Variants in AFF3 observed in about 807,000 individuals in gnomAD.
The protein encoded by AFF3 is AF4/FMR2 family member 3.
AFF3 carries 32 observed loss-of-function variants against 129.7 expected under a neutral mutation model. The observed-to-expected ratio is 0.25, with a 90% CI of 0.19 to 0.33. The LOEUF is 0.33. AFF3 is among the 10% of genes least tolerant of loss of function. The pLI is 1.00. For synonymous variants in AFF3, 644 were observed against 635.4 expected, an observed-to-expected ratio of 1.01 and a Z score of -0.20; for missense variants, 1,373 against 1,592.0, an observed-to-expected ratio of 0.86 and a Z score of 2.34.
chr2:99,908,607 T>C (rs950757661), intron 7 of AFF3, among the ~76,000 whole-genome samples: 1 of 151,886 alleles, frequency 6.6e-6, no homozygotes, highest in Non-Finnish European at 1.5e-5. Flanking sequence ...GAACCTAAAA[T>C]GAACTCAAAC....
At chr2:99,560,047 G>C (rs1015271894) in intron 21 of AFF3, among the ~76,000 whole-genome samples, 16 of 152,326 alleles carry the variant, frequency 1.1e-4, no homozygotes, top group African/African-American at 2.9e-4. Context: ...GATCACTTGA[G>C]GTCAGGAGTT....
chr2:99,707,699 CTT>C (rs538833830), intron 11 of AFF3: 778 of 782,160 alleles, frequency 9.9e-4, no homozygotes, highest in Middle Eastern at 1.3e-3. Context: ...GGATGCCTGC[CTT>C]TTTTTTTTTT....
chr2:99,593,565 G>T lies in AFF3; in HGVS notation c.2096C>A (p.Ser699Tyr). 1 of 1,613,322 alleles carries T rather than the reference G, an allele frequency of 6.2e-7. No homozygotes were observed. Among genetic ancestry groups the T allele is most frequent in the Non-Finnish European group, 8.5e-7 (1 of 1,179,964 alleles). ...CCTCTGATCATTCCCGGAGGAGGCA[G>T]AGGCAGCCACGGTCTGTGCTTTGGA... is the stretch of plus-strand genomic sequence containing the variant. The part of the protein sequence containing the change: ...PLSKAQTVAA[S>Y]ASSGNDQRLK... Residue 699 changes from serine (S) to tyrosine (Y), a missense_variant, in exon 15 of 25, where the codon TCT (serine) becomes TAT (tyrosine). Ser to Tyr is a moderately radical substitution (Grantham distance 144, BLOSUM62 -2). This residue lies in a region of AFF3 where 466 missense variants were observed against 505.0 expected (regional missense o/e 0.92). Transcript: ENST00000672756.
At chr2:100,034,437 A>T (rs146603577) in intron 4 of AFF3, among the ~76,000 whole-genome samples, 19 of 152,300 alleles carry the variant, frequency 1.2e-4, no homozygotes, top group African/African-American at 3.6e-4. Flanking sequence ...TCAGTTTTCA[A>T]ATACACCAAT....
intron 7 of AFF3, among the ~76,000 whole-genome samples, chr2:99,844,507 G>A (rs564774232): frequency 6.3e-5 from 8 of 127,222 alleles, no homozygotes; most frequent in Non-Finnish European, 7.7e-5. Context: ...GCGCCATCTC[G>A]GCTCACTGCA....
At chr2:99,607,134 C>T (rs1421948240) in intron 13 of AFF3, among the ~76,000 whole-genome samples, 2 of 152,042 alleles carry the variant, frequency 1.3e-5, no homozygotes, top group Non-Finnish European at 2.9e-5. Flanking sequence ...GAGAGGGGTC[C>T]AGCTTTCTCT....
chr2:99,909,117 G>A (rs1237346794), intron 7 of AFF3, among the ~76,000 whole-genome samples: 3 of 152,078 alleles, frequency 2.0e-5, no homozygotes, highest in Non-Finnish European at 4.4e-5. Flanking sequence ...ACTGGATTAA[G>A]AAAATGTGGC....
intron 13 of AFF3, among the ~76,000 whole-genome samples, chr2:99,606,097 T>C (rs1031525142): frequency 1.6e-4 from 24 of 152,144 alleles, no homozygotes; most frequent in Admixed American, 1.6e-3. Flanking sequence ...CTGGGCAGCA[T>C]AGTGAAACCC....
intron 13 of AFF3, among the ~76,000 whole-genome samples, chr2:99,619,053 G>T (rs1211778693): frequency 6.6e-6 from 1 of 152,204 alleles, no homozygotes; most frequent in African/African-American, 2.4e-5. Context: ...GGCCCAGACA[G>T]CTCTGATTTT....
At chr2:100,034,903 T>C (rs1684784871) in intron 4 of AFF3, among the ~76,000 whole-genome samples, 1 of 152,184 alleles carries the variant, frequency 6.6e-6, no homozygotes, top group African/African-American at 2.4e-5. Flanking sequence ...TGGATGAGTA[T>C]TGTAGGGCCT....
intron 3 of AFF3, 139 bp from the exon 4 acceptor site, chr2:100,104,657 G>C (rs1691083129): frequency 1.3e-6 from 1 of 774,280 alleles, no homozygotes; most frequent in Non-Finnish European, 1.5e-6. Context: ...TGCAGCGGCC[G>C]GCGCACTCAC....
At chr2:99,903,375 C>G (rs984616970) in intron 7 of AFF3, among the ~76,000 whole-genome samples, 1 of 152,100 alleles carries the variant, frequency 6.6e-6, no homozygotes. Flanking sequence ...TCTATCAATA[C>G]TTTTTGAGTA....
chr2:99,880,622 C>G (rs1429120830), intron 7 of AFF3, among the ~76,000 whole-genome samples: 3 of 152,140 alleles, frequency 2.0e-5, no homozygotes, highest in African/African-American at 4.8e-5. Context: ...AACTCCCACT[C>G]AATTTCCAAA....
chr2:99,940,213 T>C (rs1305309036), intron 7 of AFF3, among the ~76,000 whole-genome samples: 1 of 152,162 alleles, frequency 6.6e-6, no homozygotes, highest in East Asian at 1.9e-4. Flanking sequence ...TCTTCTGGGA[T>C]TATAAAGTAC....
At chr2:100,020,107 T>G (rs1683463497) in intron 4 of AFF3, among the ~76,000 whole-genome samples, 1 of 152,178 alleles carries the variant, frequency 6.6e-6, no homozygotes, top group South Asian at 2.1e-4. Flanking sequence ...AATTCCTGGT[T>G]TCCCTAAACA....
chr2:99,722,264 T>C (rs1197128982), intron 11 of AFF3, among the ~76,000 whole-genome samples: 2 of 152,212 alleles, frequency 1.3e-5, no homozygotes, highest in Admixed American at 6.5e-5. Context: ...CTATTTTTTC[T>C]CTTGATTATG....
chr2:100,141,675 C>T (rs11123809), intron 1 of AFF3, among the ~76,000 whole-genome samples: 65,800 of 151,944 alleles, frequency 0.43, 14,952 homozygotes, highest in East Asian at 0.57. Flanking sequence ...ATGTGAGACT[C>T]GAATAGCAAG....
At chr2:99,832,769 T>C (rs973433042) in intron 8 of AFF3, among the ~76,000 whole-genome samples, 11 of 152,234 alleles carry the variant, frequency 7.2e-5, no homozygotes, top group Non-Finnish European at 1.3e-4. Flanking sequence ...TCTCTAGCCC[T>C]CCATCGGGCT....
At chr2:99,757,937 G>A (rs1411553091) in intron 8 of AFF3, among the ~76,000 whole-genome samples, 1 of 152,098 alleles carries the variant, frequency 6.6e-6, no homozygotes, top group Non-Finnish European at 1.5e-5. Flanking sequence ...CTCTATTGTG[G>A]TTACTTGTTT....
Sources: allele counts gnomAD v4.1 joint callset (sites outside exome capture counted in the v4.1 genomes callset), GRCh38; gene constraint gnomAD v4.1.1; regional missense constraint gnomAD v4.1.1; transcripts MANE v1.5; gene names NCBI Gene and HGNC (gene_info 2026-07-23, HGNC 2026-07-21).